Variants in CHCHD4 observed in about 807,000 individuals in gnomAD.
CHCHD4 encodes mitochondrial intermembrane space import and assembly protein 40.
A neutral mutation model predicts 12.4 loss-of-function variants in CHCHD4; 7 were observed. That is an observed-to-expected ratio of 0.57 (90% confidence interval 0.32 to 1.06). CHCHD4 has a LOEUF of 1.06. Among genes scored for constraint, CHCHD4 ranks in the 50% least tolerant of loss-of-function variants. CHCHD4 has a pLI of 0.04. For missense variants in CHCHD4, 143 were observed against 175.1 expected (o/e 0.82, Z 1.03); for synonymous variants, 56 against 58.0 (o/e 0.97, Z 0.16).
chr3:14,123,668 T>C (rs1447115414), intron 1 of CHCHD4, among the ~76,000 whole-genome samples: 1 of 152,176 alleles, frequency 6.6e-6, no homozygotes, highest in Non-Finnish European at 1.5e-5. Context: ...TTTATAACCA[T>C]CCATCCCCCT....
At chr3:14,117,182 C>G (rs1261554939) in intron 1 of CHCHD4, among the ~76,000 whole-genome samples, 1 of 152,216 alleles carries the variant, frequency 6.6e-6, no homozygotes, top group Non-Finnish European at 1.5e-5. Context: ...CTGTGAGGAC[C>G]AGCATGGGAA....
intron 1 of CHCHD4, among the ~76,000 whole-genome samples, chr3:14,120,123 GT>G (rs1341519806): frequency 6.6e-6 from 1 of 152,172 alleles, no homozygotes; most frequent in African/African-American, 2.4e-5. Flanking sequence ...CTTGGTCAGA[GT>G]GGGGAACTGG....
intron 1 of CHCHD4, chr3:14,121,824 C>G (rs1406960436): frequency 1.9e-6 from 3 of 1,600,648 alleles, no homozygotes; most frequent in African/African-American, 1.3e-5. Flanking sequence ...ACAACTCCCC[C>G]ATACAGAATC....
chr3:14,116,362 T>C, intron 2 of CHCHD4, 64 bp downstream of exon 2: 1 of 1,121,396 alleles, frequency 8.9e-7, no homozygotes, highest in Non-Finnish European at 1.4e-6. Context: ...GGAAAGGAAT[T>C]AAGAACACTG....
chr3:14,124,712 C>T lies in CHCHD4; in HGVS notation c.-36G>A, dbSNP rs757048595. On this transcript the variant is annotated 5_prime_UTR_variant, in exon 1 of 3. Coordinates refer to ENST00000396914, the MANE Select transcript of CHCHD4 (RefSeq NM_001098502.2). ...CGTCCCTGAGACCTTGCAGAAGCGG[C>T]GGTGGCGGCAGCTGCACCTTTACGC... 1 of 1,516,740 alleles carries T rather than the reference C, an allele frequency of 6.6e-7. No individual in the cohort carries two copies. The highest frequency in any genetic ancestry group is 8.8e-7 in the Non-Finnish European group (1 of 1,133,960). The allele number at this position is 1,516,740 out of a possible 1,614,324, so 94.0% of individuals were successfully genotyped here.
intron 1 of CHCHD4, 72 bp from the exon 2 acceptor site, chr3:14,116,596 C>T (rs954056629): frequency 3.5e-6 from 4 of 1,144,472 alleles, no homozygotes; most frequent in South Asian, 1.2e-5. Context: ...CCAAAGCAGC[C>T]GCCACACAAA....
chr3:14,116,452 T>A lies in CHCHD4; in HGVS notation c.95A>T (p.Asp32Val). ...TPSSAELVAD[D>V]PNDPYEEHGL... ...ATGCTCCTCGTATGGATCGTTGGGG[T>A]CATCAGCCACCAATTCTGCACTGCT... The change falls in exon 2 of 3, where the codon GAC (aspartate) becomes GTC (valine). Residue 32 changes from aspartate (D) to valine (V), a missense_variant. Transcript: ENST00000396914. The A allele has an allele frequency of 6.2e-7, 1 of 1,604,576 alleles. No individual in the cohort carries two copies. The highest frequency in any genetic ancestry group is 8.5e-7 in the Non-Finnish European group (1 of 1,177,890).
At position 14,120,983 on chromosome 3, in the gene CHCHD4, T is replaced by C. The variant is rs552322475; in HGVS notation, c.22+3672A>G. Among the ~76,000 whole-genome samples, 3 of 152,318 alleles carry C rather than the reference T, an allele frequency of 2.0e-5. No homozygotes were observed. The East Asian group carries it at 5.8e-4, about 29-fold the overall frequency. The stretch of plus-strand genomic sequence containing the variant: ...CAGTGGCTTGGACTGCTTCTGTGTC[T>C]CTTTGTTGTGCTTATCTGGGAGGCA... On this transcript the variant is annotated intron_variant, in intron 1 of 2. Transcript: ENST00000396914.
In CHCHD4 at chr3:14,113,043, G is replaced by C. The variant is rs762928190; in HGVS notation, c.273C>G (p.Phe91Leu). Residue 91 changes from phenylalanine to leucine, a missense_variant, in exon 3 of 3, where the codon TTC (phenylalanine) becomes TTG (leucine). Physicochemically the swap from Phe to Leu is conservative, Grantham distance 22 (BLOSUM62 0). Transcript: ENST00000396914. ...TCTGCATGCATTCCTGCATGGCCCG[G>C]AACTGGTCTACACAGTCTGACCCCT... is the stretch of plus-strand genomic sequence containing the variant. ...EIKGSDCVDQ[F>L]RAMQECMQKY... The C allele has an allele frequency of 1.9e-6, 3 of 1,613,996 alleles. No individual in the cohort carries two copies. The highest frequency in any genetic ancestry group is 4.5e-5 in the East Asian group (2 of 44,850).
chr3:14,121,915 AC>A (rs776611519), intron 1 of CHCHD4: 3 of 1,614,184 alleles, frequency 1.9e-6, no homozygotes, highest in Non-Finnish European at 2.5e-6. Context: ...AGCTCAACAA[AC>A]CTTCCTCAGC....
chr3:14,122,131 G>C (rs1360404135), intron 1 of CHCHD4: 4 of 1,511,972 alleles, frequency 2.6e-6, no homozygotes, highest in Non-Finnish European at 3.5e-6. Flanking sequence ...GCTCACACGT[G>C]TTTAGGATTG....
In CHCHD4 at chr3:14,121,488, A is replaced by G. The variant is rs1694933927; in HGVS notation, c.22+3167T>C. ...GGATCTTTATACACCAGAATCTCTC[A>G]GCTCATCCACCCCAGAAGGAATGCC... On this transcript the variant is annotated intron_variant, in intron 1 of 2. Transcript: ENST00000396914. Among the ~76,000 whole-genome samples, 3 of 152,190 alleles carry G rather than the reference A, an allele frequency of 2.0e-5. No individual in the cohort carries two copies. The South Asian group carries it at 6.2e-4, about 31-fold the overall frequency.
In CHCHD4 at chr3:14,113,209, TAGAG is replaced by T. The variant is rs368013373; in HGVS notation, c.122-19_122-16del. ...CAGTATCAATCCTAGAACAGGAAGA[TAGAG>T]AGATGTTCTCTAAAGTTTCAGAAAA... On this transcript the variant is annotated splice_polypyrimidine_tract_variant and intron_variant, in intron 2 of 2. Transcript: ENST00000396914. The T allele has an allele frequency of 7.6e-6, 12 of 1,580,656 alleles. No individual in the cohort carries two copies. The highest frequency in any genetic ancestry group is 4.1e-5 in the African/African-American group (3 of 73,866).
chr3:14,124,752 C>A lies in CHCHD4; in HGVS notation c.-76G>T. On this transcript the variant is annotated 5_prime_UTR_variant, in exon 1 of 3. Transcript: ENST00000396914. ...CACCTTTACGCCGTGACCTCCCTCT[C>A]CTCTGGCAGGGCGGGCTCCTCCGAA... 6.9e-7 allele frequency: 1 copy of A among 1,457,828 alleles called. No individual in the cohort carries two copies. Among genetic ancestry groups the A allele is most frequent in the Non-Finnish European group, 9.2e-7 (1 of 1,092,486 alleles). The allele number at this position is 1,457,828 out of a possible 1,614,324, so 90.3% of individuals were successfully genotyped here.
chr3:14,114,252 A>G (rs895889138), intron 2 of CHCHD4, among the ~76,000 whole-genome samples: 2 of 152,146 alleles, frequency 1.3e-5, no homozygotes, highest in African/African-American at 4.8e-5. Flanking sequence ...TAAAATGGGG[A>G]CAGCAAGGAC....
intron 1 of CHCHD4, among the ~76,000 whole-genome samples, chr3:14,117,985 C>G (rs1026910549): frequency 6.6e-6 from 1 of 152,248 alleles, no homozygotes; most frequent in African/African-American, 2.4e-5. Context: ...ACAATAAATT[C>G]TGACCCAACC....
chr3:14,114,139 C>T (rs114945814), intron 2 of CHCHD4, among the ~76,000 whole-genome samples: 3,837 of 152,244 alleles, frequency 0.025, 175 homozygotes, highest in African/African-American at 0.088. Flanking sequence ...GCACTCTGCA[C>T]TAACGTCCAA....
rs1376285059 is a variant in CHCHD4 at position 14,112,945 on chromosome 3, G to T, written c.371C>A (p.Ala124Glu). ...EEREKKPAEQ[A>E]EETAPIEATA... Reference sequence around the variant, plus strand: ...GGCCTCAATGGGAGCTGTTTCTTCTGCTTGTTCTGCTGGCTTCTTCTCTCT... The same window carrying T: ...GGCCTCAATGGGAGCTGTTTCTTCTTCTTGTTCTGCTGGCTTCTTCTCTCT... The change falls in exon 3 of 3, where the codon GCA becomes GAA. Residue 124 changes from alanine to glutamate, a missense_variant. Physicochemically the swap from Ala to Glu is moderately radical, Grantham distance 107. Coordinates refer to ENST00000396914, the MANE Select transcript of CHCHD4 (RefSeq NM_001098502.2). 1 of 1,612,448 alleles carries T rather than the reference G, an allele frequency of 6.2e-7. No homozygotes were observed. The highest frequency in any genetic ancestry group is 8.5e-7 in the Non-Finnish European group (1 of 1,179,394).
At chr3:14,116,037 G>A (rs949631502) in intron 2 of CHCHD4, among the ~76,000 whole-genome samples, 2 of 152,230 alleles carry the variant, frequency 1.3e-5, no homozygotes, top group African/African-American at 2.4e-5. Flanking sequence ...GGAGCAGTTA[G>A]AGACAGCAGG....
Sources: gnomAD v4.1 joint callset for allele counts (sites outside exome capture counted in the v4.1 genomes callset) on GRCh38, gnomAD v4.1.1 for gene constraint, MANE v1.5 for transcripts, NCBI Gene and HGNC (gene_info 2026-07-23, HGNC 2026-07-21) for gene names.